Variants in LRRC75A observed in about 807,000 individuals in gnomAD.
LRRC75A encodes leucine rich repeat containing 75A.
A neutral mutation model predicts 26.0 loss-of-function variants in LRRC75A; 12 were observed. The observed-to-expected ratio is 0.46, with a 90% CI of 0.30 to 0.75. The LOEUF (loss-of-function observed/expected upper bound fraction) is 0.75, where lower values mean the gene tolerates loss of function less well. Among genes scored for constraint, LRRC75A ranks in the 30% least tolerant of loss-of-function variants. The pLI, the probability that LRRC75A is intolerant of heterozygous loss-of-function variation, is 0.08. For missense variants in LRRC75A, 410 were observed against 486.6 expected, an observed-to-expected ratio of 0.84 and a Z score of 1.48; for synonymous variants, 223 against 219.3, an observed-to-expected ratio of 1.02 and a Z score of -0.15.
rs570784015 is a variant in LRRC75A, at chr17:16,476,651, G to C, written c.247-14265C>G. Among the ~76,000 whole-genome samples the C allele has an allele frequency of 1.1e-4, 17 of 151,102 alleles. 1 individual carries two copies. Among genetic ancestry groups the C allele is most frequent in the Middle Eastern group, 3.4e-3 (1 of 294 alleles). On this transcript the variant is annotated intron_variant, in intron 1 of 3. Transcript: ENST00000470794. The stretch of plus-strand genomic sequence containing the variant: ...GTGACCTCGGCTCACTGCAACCTCT[G>C]CCTCCCCAAGTTCAAGCAATTCTCC...
At chr17:16,468,660 T>G (rs555351977) in intron 1 of LRRC75A, among the ~76,000 whole-genome samples, 1 of 152,346 alleles carries the variant, frequency 6.6e-6, no homozygotes, top group East Asian at 1.9e-4. Flanking sequence ...TGAATGTACT[T>G]AACACCACTG....
At chr17:16,468,902 C>T (rs1441406504) in intron 1 of LRRC75A, among the ~76,000 whole-genome samples, 1 of 152,138 alleles carries the variant, frequency 6.6e-6, no homozygotes, top group Non-Finnish European at 1.5e-5. Context: ...CAAACATAGA[C>T]ACCTTCTTGG....
intron 3 of LRRC75A, chr17:16,447,007 C>A: frequency 3.0e-6 from 1 of 336,372 alleles, no homozygotes; most frequent in Non-Finnish European, 5.9e-6. Context: ...GGGGGACAGC[C>A]CTTCCTTCCC....
Position 16,486,728 on chromosome 17 carries a change from C to T in LRRC75A, c.246+5017G>A, listed in dbSNP as rs1289606831. Among the ~76,000 whole-genome samples the T allele has an allele frequency of 2.0e-5, 3 of 152,190 alleles. No homozygotes were observed. In the East Asian group the frequency reaches 5.8e-4, roughly 29 times the overall value. On this transcript the variant is annotated intron_variant, in intron 1 of 3. Transcript: ENST00000470794. ...ACCATGCCACTCCTCTCTCCAAGAA[C>T]ACCACCGCCTGGCAGGCTGCCAGGA...
intron 1 of LRRC75A, among the ~76,000 whole-genome samples, chr17:16,473,872 A>G (rs540187856): frequency 2.0e-5 from 3 of 152,172 alleles, no homozygotes; most frequent in Non-Finnish European, 4.4e-5. Flanking sequence ...CGGGCTGGGC[A>G]GCGATGTTTG....
chr17:16,453,356 A>ACACG (rs2093651677), intron 2 of LRRC75A, among the ~76,000 whole-genome samples: 2 of 111,644 alleles, frequency 1.8e-5, no homozygotes, highest in South Asian at 2.8e-4. Flanking sequence ...ACGCACACAC[A>ACACG]CACACACGAG....
intron 1 of LRRC75A, among the ~76,000 whole-genome samples, chr17:16,465,118 T>C (rs951730481): frequency 6.6e-6 from 1 of 152,234 alleles, no homozygotes; most frequent in Admixed American, 6.5e-5. Context: ...TTACACTCGG[T>C]CGAGCAGGCT....
At position 16,453,420 on chromosome 17, in the gene LRRC75A, C is replaced by T. The variant is rs78351437; in HGVS notation, c.376-5460G>A. 8.8e-4 allele frequency among the ~76,000 whole-genome samples: 134 copies of T among 152,262 alleles called. No individual in the cohort carries two copies. The East Asian group carries it at 0.024, about 27-fold the overall frequency. The stretch of plus-strand genomic sequence containing the variant: ...TGCCATTGCCACAAGGGGGCAGCCA[C>T]GCACAGGGCCAGGCTCGGGATGGAA... On this transcript the variant is annotated intron_variant, in intron 2 of 3. Coordinates refer to ENST00000470794, the MANE Select transcript of LRRC75A (RefSeq NM_001113567.3).
At chr17:16,476,973 T>C (rs8071242) in intron 1 of LRRC75A, among the ~76,000 whole-genome samples, 38,445 of 150,870 alleles carry the variant, frequency 0.25, 4,935 homozygotes, top group Middle Eastern at 0.38. Flanking sequence ...CTCCTGACCT[T>C]GTGATCCGCC....
At chr17:16,469,586 A>G (rs187957244) in intron 1 of LRRC75A, among the ~76,000 whole-genome samples, 71 of 152,322 alleles carry the variant, frequency 4.7e-4, no homozygotes, top group Admixed American at 3.3e-3. Context: ...TCTGGCTTGC[A>G]GAAGAGTCCA....
intron 3 of LRRC75A, among the ~76,000 whole-genome samples, chr17:16,445,140 C>CGT (rs2093571394): frequency 6.8e-6 from 1 of 146,360 alleles, no homozygotes; most frequent in Non-Finnish European, 1.5e-5. Context: ...TGAGCCAACA[C>CGT]GCCTGGCCAT....
Position 16,462,480 on chromosome 17 carries a change from G to A in LRRC75A, c.247-94C>T, listed in dbSNP as rs537748174. On this transcript the variant is annotated intron_variant, in intron 1 of 3. Coordinates refer to ENST00000470794, the MANE Select transcript of LRRC75A (RefSeq NM_001113567.3). The surrounding 1 kb of genome is among the most constrained non-coding windows in gnomAD (Gnocchi z 4.6). Reference sequence around the variant, plus strand: ...GAAGTAGGCACAGACCCCTAGAGGCGACTCTGCCTCCCAGAGCCCCGGTGG... The same window carrying A: ...GAAGTAGGCACAGACCCCTAGAGGCAACTCTGCCTCCCAGAGCCCCGGTGG... 3.4e-5 allele frequency: 52 copies of A among 1,528,174 alleles called. No individual in the cohort carries two copies. Among genetic ancestry groups the A allele is most frequent in the African/African-American group, 1.1e-4 (8 of 72,988 alleles). 94.7% of individuals were successfully genotyped at this position (1,528,174 alleles called of 1,614,324 possible).
At chr17:16,445,158 ATTT>A (rs766449990) in intron 3 of LRRC75A, among the ~76,000 whole-genome samples, 869 of 69,618 alleles carry the variant, frequency 0.012, 6 homozygotes, top group African/African-American at 0.052. Flanking sequence ...CATTTTCTGC[ATTT>A]TTTTTTTTTT....
At chr17:16,447,050 A>T (rs1293246740) in intron 3 of LRRC75A, 1 of 240,522 alleles carries the variant, frequency 4.2e-6, no homozygotes, top group African/African-American at 2.4e-5. Context: ...ATGAGCTAGC[A>T]CCAGCACCAA....
chr17:16,465,546 GA>G (rs1452907792), intron 1 of LRRC75A, among the ~76,000 whole-genome samples: 2 of 152,190 alleles, frequency 1.3e-5, no homozygotes, highest in African/African-American at 4.8e-5. Context: ...CTGTTCCAAA[GA>G]AAAGCTTGAA....
intron 1 of LRRC75A, among the ~76,000 whole-genome samples, chr17:16,472,778 A>C (rs1351522159): frequency 6.6e-6 from 1 of 152,212 alleles, no homozygotes; most frequent in African/African-American, 2.4e-5. Context: ...GATTCAGCCA[A>C]GTTTGTAAGT....
chr17:16,474,310 G>A (rs2093814564), intron 1 of LRRC75A, among the ~76,000 whole-genome samples: 3 of 152,184 alleles, frequency 2.0e-5, no homozygotes, highest in Admixed American at 2.0e-4. Flanking sequence ...AGCAGAAGAG[G>A]GACTTGGACC....
chr17:16,475,912 G>A (rs980432152), intron 1 of LRRC75A, among the ~76,000 whole-genome samples: 1 of 152,064 alleles, frequency 6.6e-6, no homozygotes, highest in Admixed American at 6.6e-5. Flanking sequence ...CTGGGTGTTG[G>A]CCGGGCATGG....
At chr17:16,465,878 G>A (rs2093764579) in intron 1 of LRRC75A, among the ~76,000 whole-genome samples, 1 of 152,148 alleles carries the variant, frequency 6.6e-6, no homozygotes, top group African/African-American at 2.4e-5. Context: ...TGGGAGGGAA[G>A]GAGGAGGGTC....
Sources: gnomAD v4.1 joint callset for allele counts (sites outside exome capture counted in the v4.1 genomes callset) on GRCh38, gnomAD v4.1.1 for gene constraint, Gnocchi (gnomAD v3.1) non-coding constraint, MANE v1.5 for transcripts, NCBI Gene and HGNC (gene_info 2026-07-23, HGNC 2026-07-21) for gene names.